CALB1: variants seen among roughly 807,000 people sequenced by gnomAD.
CALB1 encodes the protein calbindin.
Under a neutral mutation model 46.7 loss-of-function variants are expected in CALB1, and 16 were observed. That is an observed-to-expected ratio of 0.34 (90% CI 0.23 to 0.52). The LOEUF (loss-of-function observed/expected upper bound fraction) is 0.52. Ranked by LOEUF, CALB1 falls within the 20% of genes least tolerant of loss-of-function variation. The probability of loss-of-function intolerance (pLI) is 0.95; values close to 1 mark genes in which losing one functional copy is unlikely to be tolerated. For missense variants in CALB1, 224 were observed against 300.3 expected (o/e 0.75, Z 1.88); for synonymous variants, 90 against 112.8 (o/e 0.80, Z 1.28).
At chr8:90,060,415 C>A (rs2130214031) in intron 10 of CALB1, 129 bp from the exon 11 acceptor site, 1 of 729,544 alleles carries the variant, frequency 1.4e-6, no homozygotes, top group Non-Finnish European at 2.4e-6. Context: ...GGATTAAATT[C>A]TTATACAAAT....
intron 3 of CALB1, among the ~76,000 whole-genome samples, chr8:90,075,741 C>A (rs1055615905): frequency 2.0e-5 from 3 of 152,048 alleles, no homozygotes; most frequent in Admixed American, 1.3e-4. Flanking sequence ...TTTCTTCACT[C>A]TTAACCATCA....
chr8:90,078,475 G>A, intron 2 of CALB1, 28 bp from the exon 3 acceptor site: 1 of 1,357,410 alleles, frequency 7.4e-7, no homozygotes, highest in South Asian at 1.3e-5. Context: ...CAGGTAGGAG[G>A]TTTGTTAAAA....
chr8:90,078,077 C>T (rs1280021566), intron 3 of CALB1, among the ~76,000 whole-genome samples: 1 of 152,028 alleles, frequency 6.6e-6, no homozygotes, highest in Non-Finnish European at 1.5e-5. Flanking sequence ...GGACTTGTTC[C>T]TCTAACTGCA....
chr8:90,070,863 T>A (rs28548365), intron 3 of CALB1, among the ~76,000 whole-genome samples: 19 of 140,792 alleles, frequency 1.3e-4, no homozygotes, highest in African/African-American at 3.8e-4. Flanking sequence ...TGTGTGTGTG[T>A]GTGTGTGTGT....
At chr8:90,060,419 T>C (rs1039001117) in intron 10 of CALB1, 133 bp from the exon 11 acceptor site, 12 of 721,460 alleles carry the variant, frequency 1.7e-5, no homozygotes, top group African/African-American at 3.5e-5. Context: ...TAAATTCTTA[T>C]ACAAATGTGA....
chr8:90,076,324 A>T (rs1814621958), intron 3 of CALB1, among the ~76,000 whole-genome samples: 1 of 152,056 alleles, frequency 6.6e-6, no homozygotes, highest in Non-Finnish European at 1.5e-5. Context: ...TATTTTAAAA[A>T]AGGCAGAATA....
intron 3 of CALB1, among the ~76,000 whole-genome samples, chr8:90,071,434 G>A (rs1324459510): frequency 6.6e-6 from 1 of 152,128 alleles, no homozygotes; most frequent in Admixed American, 6.5e-5. Flanking sequence ...GAGGGAGAAT[G>A]GCAGTGGGTG....
At chr8:90,069,505 A>G (rs139411304) in intron 3 of CALB1, among the ~76,000 whole-genome samples, 1 of 152,254 alleles carries the variant, frequency 6.6e-6, no homozygotes, top group Non-Finnish European at 1.5e-5. Flanking sequence ...TAGCGTGGCC[A>G]CTTCTTGTCT....
In CALB1 at chr8:90,065,951, T is replaced by C. The variant is rs139640837; in HGVS notation, c.397A>G (p.Lys133Glu). ...GTGTCATCAACAGTCTTGTTTGCTT[T>C]TTCTAGCAGGTCCTTTAGAAAGTTC... Reference protein sequence around the residue: ...LKNFLKDLLEKANKTVDDTKL... With the variant: ...LKNFLKDLLEEANKTVDDTKL... Residue 133 changes from lysine (K) to glutamate (E), a missense_variant, in exon 6 of 11, where the codon AAA becomes GAA. Physicochemically the swap from Lys to Glu is moderately conservative, Grantham distance 56. Transcript: ENST00000265431. 9.9e-6 allele frequency: 16 copies of C among 1,610,708 alleles called. No individual in the cohort carries two copies. The highest frequency in any genetic ancestry group is 1.2e-5 in the Non-Finnish European group (14 of 1,177,286).
Position 90,069,472 on chromosome 8 carries a change from G to T in CALB1, c.232-235C>A, listed in dbSNP as rs185287804. Among the ~76,000 whole-genome samples the T allele has an allele frequency of 4.6e-4, 70 of 152,288 alleles. 1 individual carries two copies. The highest frequency in any genetic ancestry group is 1.5e-4 in the Non-Finnish European group (10 of 68,028). ...TTCTTTGGCCAGTGAGGTGGCCGCAGCAGACCTGTGCTCAGGTAGAACTAG... is the reference window on the plus strand; with the variant it reads ...TTCTTTGGCCAGTGAGGTGGCCGCATCAGACCTGTGCTCAGGTAGAACTAG... On this transcript the variant is annotated intron_variant, in intron 3 of 10. Coordinates refer to ENST00000265431, the MANE Select transcript of CALB1 (RefSeq NM_004929.4).
Position 90,068,397 on chromosome 8 carries a change from A to AT in CALB1, c.372+600dup, listed in dbSNP as rs1814437850. 2.0e-5 allele frequency among the ~76,000 whole-genome samples: 3 copies of AT among 152,058 alleles called. No individual in the cohort carries two copies. In the South Asian group the frequency reaches 6.2e-4, roughly 32 times the overall value. Reference sequence around the variant, plus strand: ...AAAGTTTAATTTTAGAAGATTTTTTATTTTTTATCATCATTGCTGAGAGTC... The same window carrying AT: ...AAAGTTTAATTTTAGAAGATTTTTTATTTTTTTATCATCATTGCTGAGAGTC... On this transcript the variant is annotated intron_variant, in intron 5 of 10. Coordinates refer to ENST00000265431, the MANE Select transcript of CALB1 (RefSeq NM_004929.4).
At chr8:90,078,846 T>G (rs1452125850) in intron 2 of CALB1, among the ~76,000 whole-genome samples, 1 of 152,046 alleles carries the variant, frequency 6.6e-6, no homozygotes, top group Non-Finnish European at 1.5e-5. Context: ...TTACAACATT[T>G]TTCTCATTCT....
chr8:90,076,869 A>G (rs1177925076), intron 3 of CALB1, among the ~76,000 whole-genome samples: 14 of 152,044 alleles, frequency 9.2e-5, no homozygotes, highest in Admixed American at 9.2e-4. Context: ...ATAAAAATGT[A>G]AAATCCATGT....
intron 9 of CALB1, chr8:90,062,555 G>A (rs956190830): frequency 6.6e-6 from 1 of 151,916 alleles, no homozygotes; most frequent in African/African-American, 2.4e-5. Context: ...TCCAAAGAAG[G>A]TATATAAATG....
chr8:90,079,608 A>G (rs971752229), intron 2 of CALB1, among the ~76,000 whole-genome samples: 1 of 151,988 alleles, frequency 6.6e-6, no homozygotes, highest in African/African-American at 2.4e-5. Flanking sequence ...TAATACCACT[A>G]CTTTCACGAG....
Position 90,078,416 on chromosome 8 carries a change from T to C in CALB1, c.188A>G (p.Asp63Gly). 2 of 1,595,292 alleles carry C rather than the reference T, an allele frequency of 1.3e-6. No individual in the cohort carries two copies. Among genetic ancestry groups the C allele is most frequent in the Non-Finnish European group, 8.6e-7 (1 of 1,168,078 alleles). ...TCCATCATCTCTTTGCCCATACTGA[T>C]CCACAAAAGTTTTCATTTCAGGTGA... ...ELSPEMKTFV[D>G]QYGQRDDGKI... The change falls in exon 3 of 11, where the codon GAT (aspartate) becomes GGT (glycine). Residue 63 changes from aspartate (D) to glycine (G), a missense_variant. Transcript: ENST00000265431.
chr8:90,072,871 TTA>T (rs778850377), intron 3 of CALB1, among the ~76,000 whole-genome samples: 3 of 152,176 alleles, frequency 2.0e-5, no homozygotes, highest in Admixed American at 6.5e-5. Flanking sequence ...CAAAACTTTT[TTA>T]TGAGTTGGAA....
At chr8:90,064,538 T>C (rs1814355911) in intron 6 of CALB1, 1 of 151,814 alleles carries the variant, frequency 6.6e-6, no homozygotes, top group African/African-American at 2.4e-5. Flanking sequence ...AGAGGGAAAC[T>C]CCCATCTGAG....
chr8:90,073,586 AC>A (rs1427800222), intron 3 of CALB1, among the ~76,000 whole-genome samples: 6 of 152,000 alleles, frequency 3.9e-5, no homozygotes, highest in Non-Finnish European at 8.8e-5. Flanking sequence ...TTCCTAATAA[AC>A]CTGCTCATTG....
Sources: gnomAD v4.1 joint callset for allele counts (sites outside exome capture counted in the v4.1 genomes callset) on GRCh38, gnomAD v4.1.1 for gene constraint, MANE v1.5 for transcripts, NCBI Gene and HGNC (gene_info 2026-07-23, HGNC 2026-07-21) for gene names.